Variants in AFG2A observed in about 807,000 individuals in gnomAD.
The protein encoded by AFG2A is ATPase family gene 2 protein homolog A.
chr4:123,084,588 ATATG>A, the AFG2A span, among the ~76,000 whole-genome samples: 1,404 of 112,162 alleles, frequency 0.013, 32 homozygotes, highest in African/African-American at 0.037. Context: ...TAGTATATAT[ATATG>A]TGTGTGTGTG....
the AFG2A span, among the ~76,000 whole-genome samples, chr4:123,100,167 A>T: frequency 6.6e-6 from 1 of 151,842 alleles, no homozygotes; most frequent in Non-Finnish European, 1.5e-5. Context: ...TCATTTCTTC[A>T]TCCTTTGCTT....
chr4:123,057,215 C>A, the AFG2A span: 1 of 1,613,732 alleles, frequency 6.2e-7, no homozygotes, highest in Non-Finnish European at 8.5e-7. Context: ...CCAGACCTTC[C>A]GAAAAGCAAG....
chr4:123,246,121 C>T, the AFG2A span, among the ~76,000 whole-genome samples: 949 of 152,340 alleles, frequency 6.2e-3, 6 homozygotes, highest in Non-Finnish European at 9.2e-3. Context: ...GTTCTCTTTG[C>T]AGAATAATTA....
At chr4:122,945,767 G>C in the AFG2A span, among the ~76,000 whole-genome samples, 3 of 152,184 alleles carry the variant, frequency 2.0e-5, no homozygotes, top group Admixed American at 1.3e-4. Context: ...GACCGGAGCT[G>C]TTCCTGTTCG....
chr4:122,936,269 G>T, the AFG2A span: 1 of 565,698 alleles, frequency 1.8e-6, no homozygotes, highest in Admixed American at 3.8e-5. Flanking sequence ...TATAGTGATA[G>T]TGGTAGAAGT....
the AFG2A span, among the ~76,000 whole-genome samples, chr4:122,990,105 G>A: frequency 0.01 from 1,538 of 152,254 alleles, 22 homozygotes; most frequent in Non-Finnish European, 0.017. Context: ...GGCTCAAGCA[G>A]TCTTCTCACC....
At chr4:122,951,962 G>C in the AFG2A span, among the ~76,000 whole-genome samples, 3 of 152,126 alleles carry the variant, frequency 2.0e-5, no homozygotes, top group Non-Finnish European at 4.4e-5. Flanking sequence ...GAGCTCAAGG[G>C]GCTATTAATG....
At chr4:122,939,694 A>G in the AFG2A span, among the ~76,000 whole-genome samples, 1 of 151,808 alleles carries the variant, frequency 6.6e-6, no homozygotes, top group African/African-American at 2.4e-5. Flanking sequence ...GGTTAGTTAC[A>G]TATGTATACA....
At chr4:123,298,827 G>C in the AFG2A span, among the ~76,000 whole-genome samples, 1 of 152,234 alleles carries the variant, frequency 6.6e-6, no homozygotes, top group Non-Finnish European at 1.5e-5. Flanking sequence ...ATTTGTTGAT[G>C]TGTGTGGGGG....
the AFG2A span, among the ~76,000 whole-genome samples, chr4:123,023,075 A>G: frequency 4.6e-5 from 7 of 151,254 alleles, no homozygotes; most frequent in Admixed American, 1.3e-4. Context: ...TAGGAGATAT[A>G]CCTAATGCTA....
At chr4:123,034,031 A>G in the AFG2A span, among the ~76,000 whole-genome samples, 4 of 152,348 alleles carry the variant, frequency 2.6e-5, no homozygotes, top group East Asian at 5.8e-4. Flanking sequence ...ATCTTCAGTG[A>G]TAAGTCATGT....
chr4:123,171,223 A>G, the AFG2A span, among the ~76,000 whole-genome samples: 1 of 152,286 alleles, frequency 6.6e-6, no homozygotes, highest in East Asian at 1.9e-4. Flanking sequence ...AATGCTTATA[A>G]AAGTTCTCAG....
the AFG2A span, chr4:122,934,217 A>T: frequency 5.0e-6 from 8 of 1,614,150 alleles, no homozygotes; most frequent in Non-Finnish European, 6.8e-6. Context: ...CCTCAGAGTG[A>T]CTCTGACACT....
chr4:123,190,956 A>C, the AFG2A span, among the ~76,000 whole-genome samples: 1 of 152,098 alleles, frequency 6.6e-6, no homozygotes, highest in Non-Finnish European at 1.5e-5. Flanking sequence ...GATTTTAAAA[A>C]CTACTTCCAA....
chr4:123,042,731 G>T, the AFG2A span, among the ~76,000 whole-genome samples: 1 of 151,770 alleles, frequency 6.6e-6, no homozygotes, highest in Non-Finnish European at 1.5e-5. Context: ...AAAAATACTT[G>T]CTCAAGCATC....
the AFG2A span, among the ~76,000 whole-genome samples, chr4:123,040,123 A>G: frequency 5.3e-5 from 8 of 151,906 alleles, no homozygotes; most frequent in South Asian, 1.7e-3. Flanking sequence ...GGGTATACGT[A>G]TCTAGAAGAA....
the AFG2A span, among the ~76,000 whole-genome samples, chr4:123,294,715 A>G: frequency 6.6e-6 from 1 of 152,202 alleles, no homozygotes; most frequent in Non-Finnish European, 1.5e-5. Flanking sequence ...GGTTGTAAGT[A>G]CCCAACCTGA....
chr4:123,247,568 C>A, the AFG2A span, among the ~76,000 whole-genome samples: 1 of 106,844 alleles, frequency 9.4e-6, no homozygotes, highest in African/African-American at 2.7e-5. Flanking sequence ...TACCACCACA[C>A]CCGGCTAATT....
the AFG2A span, among the ~76,000 whole-genome samples, chr4:123,146,784 C>T: frequency 1.2e-5 from 1 of 80,092 alleles, no homozygotes; most frequent in African/African-American, 2.8e-5. Flanking sequence ...GGATGCCAAA[C>T]CTCTCATTTT....
Sources: gnomAD v4.1 joint callset for allele counts (sites outside exome capture counted in the v4.1 genomes callset) on GRCh38, gnomAD v4.1.1 for gene constraint, MANE v1.5 for transcripts, NCBI Gene and HGNC (gene_info 2026-07-23, HGNC 2026-07-21) for gene names.